Variants in BLTP1 observed in about 807,000 individuals in gnomAD.
BLTP1 encodes bridge-like lipid transfer protein family member 1.
the BLTP1 span, among the ~76,000 whole-genome samples, chr4:122,288,047 A>G: frequency 5.3e-5 from 8 of 152,262 alleles, no homozygotes; most frequent in African/African-American, 1.9e-4. Context: ...AATTTCAACC[A>G]TTTCAAAGAC....
the BLTP1 span, chr4:122,207,612 A>G: frequency 1.2e-6 from 2 of 1,606,722 alleles, no homozygotes; most frequent in Non-Finnish European, 8.5e-7. Flanking sequence ...TGTTCCAGCT[A>G]CATGTAATAC....
At chr4:122,232,116 A>T in the BLTP1 span, 1 of 985,414 alleles carries the variant, frequency 1.0e-6, no homozygotes, top group South Asian at 4.7e-5. Context: ...TAGCTCATTT[A>T]GGTTGGTTTC....
At chr4:122,316,225 T>C in the BLTP1 span, 2 of 354,132 alleles carry the variant, frequency 5.6e-6, no homozygotes, top group African/African-American at 4.3e-5. Context: ...ACTTATTCTT[T>C]GATTTCATTC....
At chr4:122,344,605 A>T in the BLTP1 span, 5 of 1,381,148 alleles carry the variant, frequency 3.6e-6, no homozygotes. Flanking sequence ...TGTTTTCCAA[A>T]ATTAAATAAT....
the BLTP1 span, chr4:122,197,920 G>C: frequency 1.0e-6 from 1 of 958,588 alleles, no homozygotes; most frequent in African/African-American, 1.8e-5. Flanking sequence ...CCTTGTAATT[G>C]AGAGCAGTTA....
At chr4:122,239,509 G>C in the BLTP1 span, 7 of 1,543,828 alleles carry the variant, frequency 4.5e-6, no homozygotes, top group Non-Finnish European at 6.2e-6. Context: ...TTTGCTTTCT[G>C]TTTTAGTATC....
At chr4:122,254,502 A>G in the BLTP1 span, 1 of 907,182 alleles carries the variant, frequency 1.1e-6, no homozygotes, top group South Asian at 5.1e-5. Context: ...TTCTGTAGAC[A>G]TTAGTCTTAC....
At chr4:122,298,257 G>A in the BLTP1 span, 2 of 941,958 alleles carry the variant, frequency 2.1e-6, no homozygotes, top group Non-Finnish European at 2.5e-6. Context: ...CACCTATTGT[G>A]TTGTGTTTGT....
At chr4:122,305,952 C>G in the BLTP1 span, 4 of 1,611,684 alleles carry the variant, frequency 2.5e-6, no homozygotes, top group Non-Finnish European at 3.4e-6. Context: ...AAATGCCCTC[C>G]GAGAAGAAAT....
the BLTP1 span, among the ~76,000 whole-genome samples, chr4:122,275,031 C>T: frequency 1.2e-4 from 19 of 152,100 alleles, no homozygotes; most frequent in Admixed American, 5.2e-4. Context: ...GTCTGAGGTT[C>T]GGTTTGGACC....
chr4:122,291,932 A>C, the BLTP1 span: 1 of 478,992 alleles, frequency 2.1e-6, no homozygotes, highest in East Asian at 1.5e-4. Flanking sequence ...AAACAAAACA[A>C]ATAGGCCTTT....
At chr4:122,193,344 C>T in the BLTP1 span, among the ~76,000 whole-genome samples, 1 of 151,702 alleles carries the variant, frequency 6.6e-6, no homozygotes, top group Non-Finnish European at 1.5e-5. Flanking sequence ...GTTGAGGTAA[C>T]GTGTAAATTA....
At chr4:122,203,777 A>C in the BLTP1 span, 1 of 438,690 alleles carries the variant, frequency 2.3e-6, no homozygotes, top group Non-Finnish European at 3.0e-6. Flanking sequence ...ATTTTAAATT[A>C]GTTATTAAAG....
chr4:122,251,328 A>G, the BLTP1 span: 2,041 of 982,842 alleles, frequency 2.1e-3, 1 homozygote, highest in Non-Finnish European at 2.3e-3. Flanking sequence ...AATTAGGCCA[A>G]TTGGAGAGGA....
chr4:122,268,456 GT>G, the BLTP1 span, among the ~76,000 whole-genome samples: 644 of 152,106 alleles, frequency 4.2e-3, 4 homozygotes, highest in African/African-American at 0.015. Flanking sequence ...TTACTATGAA[GT>G]TTTTTGTCAG....
chr4:122,330,689 T>G, the BLTP1 span, among the ~76,000 whole-genome samples: 3 of 152,058 alleles, frequency 2.0e-5, no homozygotes, highest in African/African-American at 7.2e-5. Flanking sequence ...ATTGTTTCCA[T>G]TGCTTTGCAG....
At chr4:122,172,980 A>G in the BLTP1 span, 2 of 1,601,724 alleles carry the variant, frequency 1.2e-6, no homozygotes, top group South Asian at 2.2e-5. Context: ...TTGTAAGAGG[A>G]CACATTACTG....
the BLTP1 span, chr4:122,204,841 A>G: frequency 1.5e-5 from 13 of 877,324 alleles, no homozygotes; most frequent in South Asian, 5.3e-4. Context: ...TGAGGTAAGC[A>G]TAGATTATGT....
chr4:122,174,762 T>G, the BLTP1 span: 1 of 874,222 alleles, frequency 1.1e-6, no homozygotes, highest in Non-Finnish European at 1.7e-6. Flanking sequence ...CAAATAAAAC[T>G]AAATCAAATT....
Sources: allele counts gnomAD v4.1 joint callset (sites outside exome capture counted in the v4.1 genomes callset), GRCh38; gene constraint gnomAD v4.1.1; transcripts MANE v1.5; gene names NCBI Gene and HGNC (gene_info 2026-07-23, HGNC 2026-07-21).